DCC: variants seen among roughly 807,000 people sequenced by gnomAD.
DCC encodes the protein DCC netrin 1 receptor.
Under a neutral mutation model 172.5 loss-of-function variants are expected in DCC, and 58 were observed. The observed-to-expected ratio is 0.34, with a 90% confidence interval of 0.27 to 0.42. The LOEUF is 0.42. Among genes scored for constraint, DCC ranks in the 10% least tolerant of loss-of-function variants. The probability of loss-of-function intolerance (pLI) is 1.00; values close to 1 mark genes in which losing one functional copy is unlikely to be tolerated. For synonymous variants in DCC, 709 were observed against 644.5 expected (o/e 1.10, Z -1.52); for missense variants, 1,740 against 1,791.0 (o/e 0.97, Z 0.51).
intron 16 of DCC, 119 bp from the exon 17 acceptor site, chr18:53,391,536 T>C (rs1439687188): frequency 2.8e-6 from 2 of 726,654 alleles, no homozygotes; most frequent in Non-Finnish European, 5.0e-6. Flanking sequence ...TCATGTTCCC[T>C]TTCATCATTA....
intron 1 of DCC, among the ~76,000 whole-genome samples, chr18:52,636,480 G>A (rs556092076): frequency 6.6e-6 from 1 of 152,082 alleles, no homozygotes; most frequent in African/African-American, 2.4e-5. Context: ...AAAGGTCTGG[G>A]GGCTGTTGGG....
At chr18:53,108,535 G>A (rs11082967) in intron 7 of DCC, among the ~76,000 whole-genome samples, 24,289 of 151,564 alleles carry the variant, frequency 0.16, 2,409 homozygotes, top group African/African-American at 0.28. Flanking sequence ...CAAATTTTGC[G>A]TATGTACATA....
chr18:52,668,611 G>A (rs952150010), intron 1 of DCC, among the ~76,000 whole-genome samples: 8 of 152,178 alleles, frequency 5.3e-5, no homozygotes, highest in Admixed American at 2.0e-4. Context: ...TTAGAACAGT[G>A]TGCTACCCAG....
At chr18:53,160,595 G>A (rs1361894209) in intron 8 of DCC, among the ~76,000 whole-genome samples, 9 of 152,154 alleles carry the variant, frequency 5.9e-5, no homozygotes, top group Non-Finnish European at 1.2e-4. Flanking sequence ...ATGGAAAGGT[G>A]TAACTGGGCT....
intron 2 of DCC, among the ~76,000 whole-genome samples, chr18:52,790,990 C>T (rs577446672): frequency 1.5e-4 from 23 of 152,286 alleles, no homozygotes; most frequent in African/African-American, 4.8e-4. Flanking sequence ...CTCCATTGGA[C>T]ATTTTCTGCA....
intron 15 of DCC, among the ~76,000 whole-genome samples, chr18:53,351,027 A>AT (rs145312558): frequency 8.0e-5 from 12 of 149,740 alleles, no homozygotes; most frequent in Admixed American, 4.0e-4. Context: ...CTCTTTTATG[A>AT]TTTTTTTTTG....
intron 2 of DCC, among the ~76,000 whole-genome samples, chr18:52,798,767 T>C (rs76750828): frequency 2.2e-4 from 34 of 151,330 alleles, no homozygotes; most frequent in Non-Finnish European, 2.2e-4. Context: ...CTTTTTTTTT[T>C]TTAAGGTGGA....
intron 12 of DCC, among the ~76,000 whole-genome samples, chr18:53,230,893 T>A (rs1374037258): frequency 6.6e-6 from 1 of 152,094 alleles, no homozygotes; most frequent in Admixed American, 6.6e-5. Context: ...GAAGGAAGGA[T>A]GTAAGTCTGT....
At chr18:52,674,669 G>A (rs778084315) in intron 1 of DCC, among the ~76,000 whole-genome samples, 5 of 152,178 alleles carry the variant, frequency 3.3e-5, no homozygotes, top group Non-Finnish European at 5.9e-5. Context: ...TTGGCACAGC[G>A]AATAACTAGT....
chr18:53,529,241 T>C (rs754394259), intron 28 of DCC, among the ~76,000 whole-genome samples: 96 of 152,152 alleles, frequency 6.3e-4, no homozygotes, highest in Admixed American at 1.2e-3. Context: ...GAGCTGTTTT[T>C]TCAATGGCTG....
At chr18:52,927,865 C>T (rs775633733) in intron 5 of DCC, among the ~76,000 whole-genome samples, 1 of 151,984 alleles carries the variant, frequency 6.6e-6, no homozygotes, top group Non-Finnish European at 1.5e-5. Context: ...GGTGATTCCT[C>T]AAATAACTTA....
intron 9 of DCC, among the ~76,000 whole-genome samples, chr18:53,186,255 CATA>C (rs1252913124): frequency 1.3e-5 from 2 of 152,114 alleles, no homozygotes; most frequent in Non-Finnish European, 2.9e-5. Context: ...AAGAAAGTGT[CATA>C]ATAATTATTG....
intron 15 of DCC, among the ~76,000 whole-genome samples, chr18:53,342,480 A>C (rs989827637): frequency 9.2e-5 from 14 of 151,782 alleles, no homozygotes; most frequent in African/African-American, 3.1e-4. Flanking sequence ...CAATTTATCT[A>C]TCTTTATATC....
intron 12 of DCC, among the ~76,000 whole-genome samples, chr18:53,223,567 G>T (rs2055976022): frequency 6.6e-6 from 1 of 152,062 alleles, no homozygotes; most frequent in Admixed American, 6.6e-5. Flanking sequence ...TAGTGATAAG[G>T]TCTCTGATTT....
chr18:53,506,102 G>A (rs2046171573), intron 27 of DCC, among the ~76,000 whole-genome samples: 1 of 152,142 alleles, frequency 6.6e-6, no homozygotes, highest in Non-Finnish European at 1.5e-5. Flanking sequence ...AATATTTAGA[G>A]AGGTTGAATA....
chr18:53,014,454 A>G, intron 5 of DCC, among the ~76,000 whole-genome samples: 1 of 67,970 alleles, frequency 1.5e-5, no homozygotes, highest in South Asian at 6.0e-4. Context: ...CCCACCCCAC[A>G]ACAGGCCCCG....
chr18:53,408,521 T>C (rs1484047965), intron 19 of DCC, among the ~76,000 whole-genome samples: 2 of 152,200 alleles, frequency 1.3e-5, no homozygotes, highest in Non-Finnish European at 2.9e-5. Context: ...TGTCATGATC[T>C]TATGTAACAC....
At chr18:52,695,582 C>T (rs1415022053) in intron 1 of DCC, among the ~76,000 whole-genome samples, 2 of 152,162 alleles carry the variant, frequency 1.3e-5, no homozygotes, top group African/African-American at 2.4e-5. Context: ...ACATTCAAGT[C>T]ACTGGGAGTT....
intron 12 of DCC, among the ~76,000 whole-genome samples, chr18:53,290,567 A>G (rs2056990593): frequency 6.6e-6 from 1 of 152,078 alleles, no homozygotes; most frequent in Admixed American, 6.6e-5. Flanking sequence ...GGTTTCAGAG[A>G]TTAATTACTT....
Sources: allele counts gnomAD v4.1 joint callset (sites outside exome capture counted in the v4.1 genomes callset), GRCh38; gene constraint gnomAD v4.1.1; transcripts MANE v1.5; gene names NCBI Gene and HGNC (gene_info 2026-07-23, HGNC 2026-07-21).